ARHGAP18: variants seen among roughly 807,000 people sequenced by gnomAD.
ARHGAP18 encodes the protein Rho GTPase activating protein 18, also known as rho GTPase-activating protein 18.
In ARHGAP18, 67 loss-of-function variants were observed where a neutral mutation model predicts 86.2. That is an observed-to-expected ratio of 0.78 (90% CI 0.64 to 0.95). The LOEUF (loss-of-function observed/expected upper bound fraction) is 0.95. Among genes scored for constraint, ARHGAP18 ranks in the 40% least tolerant of loss-of-function variants. The pLI is 0.00. For missense variants in ARHGAP18, 691 were observed against 780.4 expected (o/e 0.89, Z 1.37); for synonymous variants, 283 against 280.4 (o/e 1.01, Z -0.09).
At chr6:129,678,790 A>G (rs1774277337) in intron 1 of ARHGAP18, among the ~76,000 whole-genome samples, 1 of 152,220 alleles carries the variant, frequency 6.6e-6, no homozygotes, top group Admixed American at 6.5e-5. Flanking sequence ...GTATTCATTA[A>G]CCCATTGTAA....
At chr6:129,685,536 G>C (rs1397693165) in intron 1 of ARHGAP18, among the ~76,000 whole-genome samples, 1 of 151,958 alleles carries the variant, frequency 6.6e-6, no homozygotes, top group African/African-American at 2.4e-5. Flanking sequence ...ATATAAATGA[G>C]TCAATATTCA....
At chr6:129,601,154 G>A (rs1362841815) in intron 10 of ARHGAP18, among the ~76,000 whole-genome samples, 2 of 152,178 alleles carry the variant, frequency 1.3e-5, no homozygotes. Flanking sequence ...GTCATGGAGA[G>A]CTGAAAAGTA....
At position 129,625,099 on chromosome 6, in the gene ARHGAP18, ATATATTATATATTATATAGATATATAT is replaced by A. The variant is rs1562696203; in HGVS notation, c.786+4227_786+4253del. Among the ~76,000 whole-genome samples, 11 of 80,580 alleles carry A rather than the reference ATATATTATATATTATATAGATATATAT, an allele frequency of 1.4e-4. 1 individual carries two copies. In the South Asian group the frequency reaches 1.6e-3, roughly 12 times the overall value. 52.9% of individuals were successfully genotyped at this position (80,580 alleles called of 152,430 possible). On this transcript the variant is annotated intron_variant, in intron 5 of 14. Transcript: ENST00000368149. Reference sequence around the variant, plus strand: ...ATATATATGATATATGATATATGATATATATTATATATTATATAGATATATATTATATATGATATATATTATATATTA... The same window carrying A: ...ATATATATGATATATGATATATGATATATATATGATATATATTATATATTA...
At chr6:129,628,815 A>G (rs1443559899) in intron 5 of ARHGAP18, among the ~76,000 whole-genome samples, 1 of 152,140 alleles carries the variant, frequency 6.6e-6, no homozygotes, top group Non-Finnish European at 1.5e-5. Flanking sequence ...TTGGAACCCA[A>G]ATGGGAGTGG....
At chr6:129,698,134 T>C (rs1453952858) in intron 1 of ARHGAP18, among the ~76,000 whole-genome samples, 1 of 152,182 alleles carries the variant, frequency 6.6e-6, no homozygotes, top group Non-Finnish European at 1.5e-5. Flanking sequence ...AAAGTTGTTT[T>C]AGAACCCAAT....
intron 1 of ARHGAP18, among the ~76,000 whole-genome samples, chr6:129,669,946 T>C (rs1451747897): frequency 1.3e-5 from 2 of 152,218 alleles, no homozygotes. Context: ...ATAAAAGTTA[T>C]GCTAAATATA....
chr6:129,704,668 A>G (rs963149592), intron 1 of ARHGAP18, among the ~76,000 whole-genome samples: 2 of 152,126 alleles, frequency 1.3e-5, no homozygotes, highest in African/African-American at 4.8e-5. Flanking sequence ...TCATTACTAA[A>G]ACAACTGAAA....
intron 1 of ARHGAP18, among the ~76,000 whole-genome samples, chr6:129,695,357 G>A (rs574334908): frequency 6.6e-6 from 1 of 150,860 alleles, no homozygotes; most frequent in African/African-American, 2.4e-5. Context: ...TGGAACACCT[G>A]TTAACAGTGT....
At chr6:129,591,770 C>T (rs1176132043) in intron 12 of ARHGAP18, among the ~76,000 whole-genome samples, 1 of 152,026 alleles carries the variant, frequency 6.6e-6, no homozygotes, top group Non-Finnish European at 1.5e-5. Context: ...CCCTTTTTAT[C>T]TTCAAAAGGG....
intron 8 of ARHGAP18, among the ~76,000 whole-genome samples, chr6:129,609,467 T>G (rs1471522714): frequency 6.6e-6 from 1 of 152,212 alleles, no homozygotes; most frequent in African/African-American, 2.4e-5. Context: ...AATGTATTTT[T>G]GCCTCCTGTG....
intron 1 of ARHGAP18, among the ~76,000 whole-genome samples, chr6:129,666,671 AG>A (rs375835076): frequency 7.9e-5 from 12 of 152,334 alleles, no homozygotes; most frequent in African/African-American, 2.6e-4. Context: ...TCTCTTGCAA[AG>A]TATCCTATTA....
At chr6:129,609,602 T>C (rs2114459295) in intron 8 of ARHGAP18, among the ~76,000 whole-genome samples, 1 of 151,304 alleles carries the variant, frequency 6.6e-6, no homozygotes, top group South Asian at 2.1e-4. Flanking sequence ...ATTATATCTT[T>C]GTTAGTGAAT....
intron 6 of ARHGAP18, among the ~76,000 whole-genome samples, chr6:129,616,624 A>G (rs1041807509): frequency 6.6e-6 from 1 of 152,242 alleles, no homozygotes; most frequent in Non-Finnish European, 1.5e-5. Flanking sequence ...ATAATTTACT[A>G]AATGTAATCA....
At chr6:129,637,818 G>C (rs1773366001) in intron 3 of ARHGAP18, among the ~76,000 whole-genome samples, 2 of 152,084 alleles carry the variant, frequency 1.3e-5, no homozygotes, top group South Asian at 4.2e-4. Flanking sequence ...TGTGATTCTG[G>C]GGGCTGCCCA....
At chr6:129,683,572 C>T (rs1280097911) in intron 1 of ARHGAP18, among the ~76,000 whole-genome samples, 1 of 152,138 alleles carries the variant, frequency 6.6e-6, no homozygotes, top group African/African-American at 2.4e-5. Flanking sequence ...CAGATCCTTT[C>T]ATATTTTGAT....
chr6:129,598,731 TA>T (rs906795191), intron 12 of ARHGAP18: 1 of 152,150 alleles, frequency 6.6e-6, no homozygotes, highest in East Asian at 1.9e-4. Context: ...TTCAAATACT[TA>T]TTAAAGTCCA....
chr6:129,655,333 AAAAAAAAAGAAAAG>A (rs1773808695), intron 1 of ARHGAP18, among the ~76,000 whole-genome samples: 1 of 136,564 alleles, frequency 7.3e-6, no homozygotes, highest in African/African-American at 3.0e-5. Flanking sequence ...AAAAAAAAAA[AAAAAAAAAGAAAAG>A]AAAAGAAAAG....
intron 1 of ARHGAP18, among the ~76,000 whole-genome samples, chr6:129,656,676 AAT>A (rs1773845121): frequency 6.6e-6 from 1 of 151,714 alleles, no homozygotes; most frequent in Non-Finnish European, 1.5e-5. Context: ...AATAAAAAAA[AAT>A]ATCAATAGCA....
At chr6:129,697,786 C>A (rs770582021) in intron 1 of ARHGAP18, among the ~76,000 whole-genome samples, 3 of 151,936 alleles carry the variant, frequency 2.0e-5, no homozygotes, top group Non-Finnish European at 4.4e-5. Flanking sequence ...AATTAACAAC[C>A]AATAATTTAT....
Sources: gnomAD v4.1 joint callset for allele counts (sites outside exome capture counted in the v4.1 genomes callset) on GRCh38, gnomAD v4.1.1 for gene constraint, MANE v1.5 for transcripts, NCBI Gene and HGNC (gene_info 2026-07-23, HGNC 2026-07-21) for gene names.